NEURL1B: variants seen among roughly 807,000 people sequenced by gnomAD.
The protein encoded by NEURL1B is neuralized E3 ubiquitin protein ligase 1B.
Under a neutral mutation model 37.4 loss-of-function variants are expected in NEURL1B, and 13 were observed. The ratio of observed to expected loss-of-function variants is 0.35; its 90% CI spans 0.23 to 0.55. The LOEUF (loss-of-function observed/expected upper bound fraction) is 0.55, where lower values mean the gene tolerates loss of function less well. Among genes scored for constraint, NEURL1B ranks in the 20% least tolerant of loss-of-function variants. The pLI is 0.89. For missense variants in NEURL1B, 790 were observed against 879.2 expected, an observed-to-expected ratio of 0.90 and a Z score of 1.28; for synonymous variants, 432 against 426.6, an observed-to-expected ratio of 1.01 and a Z score of -0.16.
In NEURL1B at chr5:172,683,635, AGC is replaced by A; in HGVS notation, c.797_798del (p.Arg266ProfsTer189). ...GCCGCCATTCCGTGCGGGCCCCGTG[AGC>A]GCCCGCGGCCCGCGTCGTCGCCGGC... On this transcript the variant is annotated frameshift_variant, in exon 3 of 5. Transcript: ENST00000369800. LOFTEE classifies it high-confidence loss of function. This position sits in a 1 kb window ranked among gnomAD's most constrained non-coding sequence, Gnocchi z 5.6. 8.1e-7 allele frequency: 1 copy of A among 1,231,976 alleles called. No individual in the cohort carries two copies. Among genetic ancestry groups the A allele is most frequent in the Non-Finnish European group, 1.0e-6 (1 of 980,934 alleles). The allele number at this position is 1,231,976 out of a possible 1,614,324, so 76.3% of individuals were successfully genotyped here.
chr5:172,649,454 CG>C (rs1257420506), intron 1 of NEURL1B, among the ~76,000 whole-genome samples: 22 of 140,810 alleles, frequency 1.6e-4, no homozygotes, highest in African/African-American at 4.7e-4. Flanking sequence ...CTTTGCCTCC[CG>C]GGTTCAAGCA....
At chr5:172,663,638 G>A (rs961766302) in intron 1 of NEURL1B, among the ~76,000 whole-genome samples, 22 of 150,334 alleles carry the variant, frequency 1.5e-4, no homozygotes, top group African/African-American at 5.1e-4. Flanking sequence ...CACAGAAACC[G>A]CACCTCCCCC....
chr5:172,655,507 G>A (rs1216958804), intron 1 of NEURL1B, among the ~76,000 whole-genome samples: 1 of 152,086 alleles, frequency 6.6e-6, no homozygotes, highest in East Asian at 1.9e-4. Context: ...ACAGAACCAC[G>A]GAGAGGACCC....
In NEURL1B at chr5:172,641,510, G is replaced by C; in HGVS notation, c.31+73G>C. 8.4e-7 allele frequency: 1 copy of C among 1,187,356 alleles called. No individual in the cohort carries two copies. Among genetic ancestry groups the C allele is most frequent in the Non-Finnish European group, 1.1e-6 (1 of 941,306 alleles). The allele number at this position is 1,187,356 out of a possible 1,614,324, so 73.6% of individuals were successfully genotyped here. On this transcript the variant is annotated intron_variant, in intron 1 of 4. Transcript: ENST00000369800. This position sits in a 1 kb window ranked among gnomAD's most constrained non-coding sequence, Gnocchi z 6.4. ...TCCGGGGGACCCGCTGGGTGACTCT[G>C]GAGAGCTACCCCACGGCCCTTGGAG...
intron 1 of NEURL1B, among the ~76,000 whole-genome samples, chr5:172,653,912 C>T (rs1002227778): frequency 7.9e-5 from 12 of 152,134 alleles, no homozygotes; most frequent in Admixed American, 7.9e-4. Context: ...TTACTGCAAA[C>T]ATCTCTTTCT....
At chr5:172,655,955 T>G (rs10059294) in intron 1 of NEURL1B, among the ~76,000 whole-genome samples, 3,701 of 152,272 alleles carry the variant, frequency 0.024, 143 homozygotes, top group African/African-American at 0.085. Context: ...ACATTTTCTT[T>G]TTAATTCTCA....
rs1247859134 is a variant in NEURL1B at position 172,647,801 on chromosome 5, G to A, written c.31+6364G>A. On this transcript the variant is annotated intron_variant, in intron 1 of 4. Transcript: ENST00000369800. The surrounding 1 kb of genome is among the most constrained non-coding windows in gnomAD (Gnocchi z 4.2). ...TCTTGCCTGAGAGGAGACGGGGTGAGCTTGAGTTCTGTGCTCCTTCTTCCT... is the reference window on the plus strand; with the variant it reads ...TCTTGCCTGAGAGGAGACGGGGTGAACTTGAGTTCTGTGCTCCTTCTTCCT... Among the ~76,000 whole-genome samples the A allele has an allele frequency of 6.6e-6, 1 of 152,022 alleles. No individual in the cohort carries two copies. The highest frequency in any genetic ancestry group is 1.9e-4 in the East Asian group (1 of 5,180).
intron 1 of NEURL1B, among the ~76,000 whole-genome samples, chr5:172,655,466 C>G (rs1292775107): frequency 6.6e-6 from 1 of 152,140 alleles, no homozygotes; most frequent in Admixed American, 6.5e-5. Flanking sequence ...AATCCTACGG[C>G]AGGATCCACC....
At chr5:172,682,313 G>A (rs1420309583) in intron 2 of NEURL1B, among the ~76,000 whole-genome samples, 2 of 152,144 alleles carry the variant, frequency 1.3e-5, no homozygotes, top group African/African-American at 4.8e-5. Flanking sequence ...GCTGACTCAC[G>A]CCTATAATCC....
intron 1 of NEURL1B, among the ~76,000 whole-genome samples, chr5:172,666,577 G>A (rs960058230): frequency 6.6e-6 from 1 of 152,094 alleles, no homozygotes; most frequent in African/African-American, 2.4e-5. Context: ...GAGTGAGGTC[G>A]ATCCACTAGC....
Position 172,661,754 on chromosome 5 carries a change from G to C in NEURL1B, c.32-8031G>C, listed in dbSNP as rs1490333667. 6.6e-6 allele frequency among the ~76,000 whole-genome samples: 1 copy of C among 152,226 alleles called. No individual in the cohort carries two copies. Among genetic ancestry groups the C allele is most frequent in the African/African-American group, 2.4e-5 (1 of 41,464 alleles). Reference sequence around the variant, plus strand: ...AGCAGGCTGGAAGCCGGCGTCTCGGGGCCAGAGTATCGGGAGCTGTTGCTT... The same window carrying C: ...AGCAGGCTGGAAGCCGGCGTCTCGGCGCCAGAGTATCGGGAGCTGTTGCTT... On this transcript the variant is annotated intron_variant, in intron 1 of 4. Transcript: ENST00000369800. This position sits in a 1 kb window ranked among gnomAD's most constrained non-coding sequence, Gnocchi z 4.0.
chr5:172,648,211 T>C (rs76609291), intron 1 of NEURL1B, among the ~76,000 whole-genome samples: 3 of 152,322 alleles, frequency 2.0e-5, no homozygotes, highest in East Asian at 1.9e-4. Context: ...TTTCCTCTTC[T>C]ACAGAAAGGG....
chr5:172,670,225 G>C lies in NEURL1B; in HGVS notation c.472G>C (p.Val158Leu), dbSNP rs1353056190. ...ADRHGRVFYS[V>L]NDGEPVLFHC... ...CCGCCACGGCCGCGTGTTCTACAGC[G>C]TGAACGACGGCGAGCCGGTGCTCTT... Residue 158 changes from valine (V) to leucine (L), a missense_variant, in exon 2 of 5, where the codon GTG (valine) becomes CTG (leucine). Val to Leu is a conservative substitution (Grantham distance 32, BLOSUM62 1). Transcript: ENST00000369800. 5 of 1,421,702 alleles carry C rather than the reference G, an allele frequency of 3.5e-6. No homozygotes were observed. The East Asian group carries it at 1.5e-4, about 42-fold the overall frequency. The allele number at this position is 1,421,702 out of a possible 1,614,324, so 88.1% of individuals were successfully genotyped here.
intron 2 of NEURL1B, among the ~76,000 whole-genome samples, chr5:172,673,235 C>T (rs1295262492): frequency 2.6e-5 from 4 of 152,026 alleles, no homozygotes; most frequent in Admixed American, 6.5e-5. Context: ...TGAGGCACCA[C>T]GAGAACATCA....
rs553808423 is a variant in NEURL1B at position 172,676,866 on chromosome 5, G to A, written c.577+6536G>A. ...CTTGGCCAAGGTTGCATAACTGTTGGTGGTCCTAAAGTCAGAGTTTGTTCA... is the reference window on the plus strand; with the variant it reads ...CTTGGCCAAGGTTGCATAACTGTTGATGGTCCTAAAGTCAGAGTTTGTTCA... On this transcript the variant is annotated intron_variant, in intron 2 of 4. Transcript: ENST00000369800. This position sits in a 1 kb window ranked among gnomAD's most constrained non-coding sequence, Gnocchi z 4.5. Among the ~76,000 whole-genome samples the A allele has an allele frequency of 2.0e-5, 3 of 152,354 alleles. No individual in the cohort carries two copies. The East Asian group carries it at 5.8e-4, about 29-fold the overall frequency.
At chr5:172,666,824 G>C (rs2113298649) in intron 1 of NEURL1B, among the ~76,000 whole-genome samples, 1 of 152,236 alleles carries the variant, frequency 6.6e-6, no homozygotes, top group Non-Finnish European at 1.5e-5. Flanking sequence ...CCTGCATCAG[G>C]GGAGGCCTGG....
At chr5:172,659,940 C>T (rs778178221) in intron 1 of NEURL1B, among the ~76,000 whole-genome samples, 2 of 152,234 alleles carry the variant, frequency 1.3e-5, no homozygotes, top group African/African-American at 4.8e-5. Flanking sequence ...CCTCCCTGGC[C>T]ACCACCCTGT....
chr5:172,654,527 A>G (rs1207032036), intron 1 of NEURL1B, among the ~76,000 whole-genome samples: 4 of 151,772 alleles, frequency 2.6e-5, no homozygotes, highest in Non-Finnish European at 2.9e-5. Context: ...ATGTTAAATC[A>G]TCTAACAGAA....
intron 1 of NEURL1B, among the ~76,000 whole-genome samples, chr5:172,660,460 T>C (rs1328904184): frequency 6.6e-6 from 1 of 152,136 alleles, no homozygotes; most frequent in Non-Finnish European, 1.5e-5. Context: ...GGGGTTTTGT[T>C]TGCAAAGCAA....
Sources: allele counts gnomAD v4.1 joint callset (sites outside exome capture counted in the v4.1 genomes callset), GRCh38; gene constraint gnomAD v4.1.1; non-coding constraint Gnocchi (gnomAD v3.1); transcripts MANE v1.5; gene names NCBI Gene and HGNC (gene_info 2026-07-23, HGNC 2026-07-21).